Variants in CHIT1 observed in about 807,000 individuals in gnomAD.
The protein encoded by CHIT1 is chitinase 1.
Under a neutral mutation model 52.0 loss-of-function variants are expected in CHIT1, and 47 were observed. The ratio of observed to expected loss-of-function variants is 0.90; its 90% CI spans 0.71 to 1.15. The LOEUF (loss-of-function observed/expected upper bound fraction) is 1.15. Ranked by LOEUF, CHIT1 falls within the 50% of genes most tolerant of loss-of-function variation. The probability of loss-of-function intolerance (pLI) is 0.00; values close to 1 mark genes in which losing one functional copy is unlikely to be tolerated. For synonymous variants in CHIT1, 242 were observed against 228.2 expected (o/e 1.06, Z -0.54); for missense variants, 569 against 583.0 (o/e 0.98, Z 0.25).
Position 203,228,633 on chromosome 1 carries a change from G to C in CHIT1, c.26-71C>G, listed in dbSNP as rs1571852522. The stretch of plus-strand genomic sequence containing the variant: ...ACCTTCCCAGGCCCCACAGCTTACG[G>C]AAGCACAGGAGGTGGTCAGGGAGGG... On this transcript the variant is annotated intron_variant, in intron 1 of 10. Coordinates refer to ENST00000367229, the MANE Select transcript of CHIT1 (RefSeq NM_003465.3). The C allele has an allele frequency of 2.0e-6, 3 of 1,518,960 alleles. No homozygotes were observed. The East Asian group carries it at 7.3e-5, about 37-fold the overall frequency. The allele number at this position is 1,518,960 out of a possible 1,614,324, so 94.1% of individuals were successfully genotyped here.
rs957125435 is a variant in CHIT1, at chr1:203,216,656, C to G, written c.*233G>C. 4.8e-6 allele frequency: 3 copies of G among 630,150 alleles called. No individual in the cohort carries two copies. The African/African-American group carries it at 5.4e-5, about 11-fold the overall frequency. 39.0% of individuals were successfully genotyped at this position (630,150 alleles called of 1,614,324 possible). On this transcript the variant is annotated 3_prime_UTR_variant, in exon 11 of 11. Transcript: ENST00000367229. ...GTGCTTAGAGAGCCTCTTAAGTCAC[C>G]ACATCTTTGGGAAGAGGGGCACAAA...
At chr1:203,228,660 T>C (rs914293354) in intron 1 of CHIT1, 98 bp from the exon 2 acceptor site, 5 of 1,346,422 alleles carry the variant, frequency 3.7e-6, no homozygotes, top group Non-Finnish European at 5.2e-6. Flanking sequence ...CAGGGAGGGC[T>C]GATTTCATAC....
At chr1:203,228,019 A>G (rs1656987861) in intron 2 of CHIT1, among the ~76,000 whole-genome samples, 1 of 152,200 alleles carries the variant, frequency 6.6e-6, no homozygotes, top group African/African-American at 2.4e-5. Flanking sequence ...ATTTGACACA[A>G]CAAGGAGCTC....
chr1:203,223,027 C>T, intron 6 of CHIT1, 108 bp downstream of exon 6: 6 of 1,482,482 alleles, frequency 4.0e-6, no homozygotes, highest in Non-Finnish European at 5.6e-6. Flanking sequence ...TGGGACTTTC[C>T]AAATGCCTTG....
At position 203,223,296 on chromosome 1, in the gene CHIT1, G is replaced by A. The variant is rs181385947; in HGVS notation, c.481-37C>T. The A allele has an allele frequency of 4.4e-3, 7,035 of 1,612,330 alleles. 35 individuals are homozygous for A. The highest frequency in any genetic ancestry group is 4.3e-3 in the Non-Finnish European group (5,068 of 1,179,728). ...GAGCTCAGAGTCAACACAGGGGCGC[G>A]CACCAGGCAGGCAGCCCCTGTGAGC... On this transcript the variant is annotated intron_variant, in intron 5 of 10. Coordinates refer to ENST00000367229, the MANE Select transcript of CHIT1 (RefSeq NM_003465.3).
Position 203,223,530 on chromosome 1 carries a change from C to T in CHIT1, c.445G>A (p.Ala149Thr). The change falls in exon 5 of 11, where the codon GCC becomes ACC. Residue 149 changes from alanine to threonine, a missense_variant. Physicochemically the swap from Ala to Thr is moderately conservative, Grantham distance 58. Transcript: ENST00000367229. ...WEYPGSQGSP[A>T]VDKERFTTLV... Reference sequence around the variant, plus strand: ...GTTGTGAAGCGCTCCTTGTCTACGGCAGGGCTCCCCTGGCTTCCTGGGTAC... The same window carrying T: ...GTTGTGAAGCGCTCCTTGTCTACGGTAGGGCTCCCCTGGCTTCCTGGGTAC... 6.2e-7 allele frequency: 1 copy of T among 1,614,218 alleles called. No homozygotes were observed. The highest frequency in any genetic ancestry group is 8.5e-7 in the Non-Finnish European group (1 of 1,180,034).
chr1:203,223,054 C>G, intron 6 of CHIT1, 81 bp downstream of exon 6: 1 of 1,576,462 alleles, frequency 6.3e-7, no homozygotes, highest in Non-Finnish European at 8.7e-7. Context: ...AACACCTGCT[C>G]TACCCATGGG....
intron 10 of CHIT1, chr1:203,217,467 C>CT: frequency 1.6e-6 from 2 of 1,287,098 alleles, no homozygotes; most frequent in Non-Finnish European, 2.2e-6. Context: ...GAACAAGGTG[C>CT]TGCTCCCAGT....
At chr1:203,223,302 G>A (rs1431614350) in intron 5 of CHIT1, 43 bp from the exon 6 acceptor site, 18 of 1,610,112 alleles carry the variant, frequency 1.1e-5, no homozygotes, top group Non-Finnish European at 1.5e-5. Flanking sequence ...GCGCGCACCA[G>A]GCAGGCAGCC....
At chr1:203,226,129 C>A (rs1890415) in intron 2 of CHIT1, among the ~76,000 whole-genome samples, 3 of 152,184 alleles carry the variant, frequency 2.0e-5, no homozygotes, top group Admixed American at 6.5e-5. Context: ...CTTCTTTTCC[C>A]GGGAAGCAAG....
intron 7 of CHIT1, 111 bp from the exon 8 acceptor site, chr1:203,219,960 C>G: frequency 1.5e-6 from 2 of 1,303,310 alleles, no homozygotes; most frequent in Non-Finnish European, 2.1e-6. Context: ...TCAGCTGGAG[C>G]TCTACGGGCC....
rs1315629025 is a variant in CHIT1, at chr1:203,223,150, A to C, written c.590T>G (p.Val197Gly). 6.2e-7 allele frequency: 1 copy of C among 1,614,074 alleles called. No individual in the cohort carries two copies. The highest frequency in any genetic ancestry group is 1.1e-5 in the South Asian group (1 of 91,080). The change falls in exon 6 of 11, where the codon GTG becomes GGG. Residue 197 changes from valine (V) to glycine (G), a missense_variant. Val to Gly is a moderately radical substitution (Grantham distance 109). Transcript: ENST00000367229. Reference sequence around the variant, plus strand: ...TGAGACTCACTGGGCGATTTTGTCCACCTCGTATCCAGCATCCACATAGGT... The same window carrying C: ...TGAGACTCACTGGGCGATTTTGTCCCCCTCGTATCCAGCATCCACATAGGT... The part of the protein sequence containing the change: ...GQTYVDAGYE[V>G]DKIAQNLDFV...
chr1:203,227,384 CA>C (rs1656965419), intron 2 of CHIT1, among the ~76,000 whole-genome samples: 1 of 152,192 alleles, frequency 6.6e-6, no homozygotes, highest in African/African-American at 2.4e-5. Flanking sequence ...AGGAAGGAGC[CA>C]GGAAGCTCTT....
rs753522466 is a variant in CHIT1 at position 203,222,257 on chromosome 1, T to A, written c.674A>T (p.Asn225Ile). 1.4e-5 allele frequency: 23 copies of A among 1,614,086 alleles called. No individual in the cohort carries two copies. Among genetic ancestry groups the A allele is most frequent in the Non-Finnish European group, 1.9e-5 (22 of 1,180,038 alleles). ...TTCTTGCCTCTTGTAGAGGGGGCTG[T>A]TATGTCCCGTGACCTTCTCCCAAGA... is the stretch of plus-strand genomic sequence containing the variant. ...HGSWEKVTGH[N>I]SPLYKRQEES... Residue 225 changes from asparagine to isoleucine, a missense_variant, in exon 7 of 11, where the codon AAC (asparagine) becomes ATC (isoleucine). Asn to Ile is a moderately radical substitution (Grantham distance 149). Transcript: ENST00000367229.
At position 203,225,740 on chromosome 1, in the gene CHIT1, G is replaced by A; in HGVS notation, c.186C>T (p.Thr62=). The A allele has an allele frequency of 6.2e-7, 1 of 1,614,158 alleles. No individual in the cohort carries two copies. Residue 62 remains threonine (T), a synonymous_variant, in exon 3 of 11, where the codon ACC becomes ACT. Transcript: ENST00000367229. ...ACTCAGTGGTGCTCAGCTGGTGGTT[G>A]GTCATGCCAGCGAAGGCGTAGATGA... is the stretch of plus-strand genomic sequence containing the variant. ...THLIYAFAGM[T]NHQLSTTEWN...
At chr1:203,217,418 G>A (rs1187349513) in intron 10 of CHIT1, 13 of 1,465,130 alleles carry the variant, frequency 8.9e-6, no homozygotes, top group Middle Eastern at 1.7e-4. Flanking sequence ...GGGGTGCCAC[G>A]CTGCAGGCTA....
At chr1:203,228,810 C>T (rs891443084) in intron 1 of CHIT1, among the ~76,000 whole-genome samples, 2 of 152,182 alleles carry the variant, frequency 1.3e-5, no homozygotes, top group Admixed American at 6.5e-5. Flanking sequence ...GAGGCTGCCC[C>T]CTCTCTATAC....
chr1:203,222,124 C>T, intron 7 of CHIT1, 78 bp downstream of exon 7: 1 of 1,596,062 alleles, frequency 6.3e-7, no homozygotes. Context: ...CCCATGAGGG[C>T]CTCGGGGCTC....
At chr1:203,222,164 A>C (rs1403341948) in intron 7 of CHIT1, 38 bp downstream of exon 7, 5 of 1,612,616 alleles carry the variant, frequency 3.1e-6, no homozygotes, top group Non-Finnish European at 4.2e-6. Context: ...GGCCTGCTGG[A>C]CAGGGGAGTC....
Sources: allele counts gnomAD v4.1 joint callset (sites outside exome capture counted in the v4.1 genomes callset), GRCh38; gene constraint gnomAD v4.1.1; transcripts MANE v1.5; gene names NCBI Gene and HGNC (gene_info 2026-07-23, HGNC 2026-07-21).